The following ECHDC3 variants were observed in gnomAD, a reference collection of about 807,000 sequenced individuals.
ECHDC3 encodes the protein enoyl-CoA hydratase domain containing 3, also known as enoyl-CoA hydratase domain-containing protein 3, mitochondrial.
Under a neutral mutation model 17.9 loss-of-function variants are expected in ECHDC3, and 20 were observed. That is an observed-to-expected ratio of 1.12 (90% CI 0.79 to 1.63). The LOEUF is 1.63. ECHDC3 is among the 40% of genes most tolerant of loss of function. The pLI is 0.00. For missense variants in ECHDC3, 407 were observed against 357.7 expected (o/e 1.14, Z -1.11); for synonymous variants, 177 against 149.7 (o/e 1.18, Z -1.33).
chr10:11,759,356 TAAAA>T (rs151106517), intron 4 of ECHDC3, among the ~76,000 whole-genome samples: 12 of 127,378 alleles, frequency 9.4e-5, no homozygotes, highest in Non-Finnish European at 1.6e-4. Flanking sequence ...CTCCATCTCT[TAAAA>T]AAAAAAAAAA....
At chr10:11,749,653 G>C in intron 3 of ECHDC3, 61 bp downstream of exon 3, 1 of 1,511,804 alleles carries the variant, frequency 6.6e-7, no homozygotes, top group Non-Finnish European at 9.1e-7. Flanking sequence ...TAAATGTTGA[G>C]TTCGCCTTCG....
chr10:11,758,430 A>G (rs11257307), intron 4 of ECHDC3, among the ~76,000 whole-genome samples: 10,947 of 152,284 alleles, frequency 0.072, 556 homozygotes, highest in Non-Finnish European at 0.11. Flanking sequence ...TGAGGCAGGC[A>G]GACTCTGATT....
chr10:11,751,064 A>T (rs1291121135), intron 3 of ECHDC3, among the ~76,000 whole-genome samples: 2 of 152,238 alleles, frequency 1.3e-5, no homozygotes, highest in African/African-American at 4.8e-5. Context: ...ATGTTTATGT[A>T]ACATTCCACT....
chr10:11,749,408 A>C, intron 2 of ECHDC3, 87 bp from the exon 3 acceptor site: 1 of 1,253,642 alleles, frequency 8.0e-7, no homozygotes, highest in Non-Finnish European at 1.1e-6. Flanking sequence ...TGCTGAAGTT[A>C]TTCAGTAGAC....
At chr10:11,755,291 A>G (rs896287334) in intron 3 of ECHDC3, 117 bp from the exon 4 acceptor site, 50 of 927,766 alleles carry the variant, frequency 5.4e-5, no homozygotes, top group Non-Finnish European at 7.8e-5. Context: ...TTGCCACTGC[A>G]CTCCATCCTG....
chr10:11,748,460 A>T (rs535028853), intron 2 of ECHDC3, among the ~76,000 whole-genome samples: 16 of 152,120 alleles, frequency 1.1e-4, no homozygotes, highest in South Asian at 2.1e-4. Context: ...TCCTAGCCTC[A>T]AGCAACATTG....
At chr10:11,756,587 G>C (rs1377459995) in intron 4 of ECHDC3, among the ~76,000 whole-genome samples, 2 of 152,178 alleles carry the variant, frequency 1.3e-5, no homozygotes, top group African/African-American at 4.8e-5. Context: ...GTGTGTTTGT[G>C]GGGAAATTCT....
At chr10:11,757,921 A>G (rs1304924475) in intron 4 of ECHDC3, among the ~76,000 whole-genome samples, 1 of 152,164 alleles carries the variant, frequency 6.6e-6, no homozygotes. Context: ...GTCTTTGCTG[A>G]TTGTGCGCAT....
chr10:11,744,714 G>A (rs1258384091), intron 1 of ECHDC3, among the ~76,000 whole-genome samples: 2 of 152,110 alleles, frequency 1.3e-5, no homozygotes, highest in Admixed American at 6.6e-5. Flanking sequence ...AGGCTTTGAT[G>A]CCAGTTGAAT....
At chr10:11,761,456 G>A (rs567087943) in intron 4 of ECHDC3, among the ~76,000 whole-genome samples, 7 of 152,288 alleles carry the variant, frequency 4.6e-5, no homozygotes, top group East Asian at 1.9e-4. Context: ...GTGTGTCTCC[G>A]GCTAGTCCAG....
At chr10:11,759,356 T>TAAAAAAA (rs151106517) in intron 4 of ECHDC3, among the ~76,000 whole-genome samples, 1 of 127,404 alleles carries the variant, frequency 7.8e-6, no homozygotes, top group African/African-American at 3.4e-5. Context: ...CTCCATCTCT[T>TAAAAAAA]AAAAAAAAAA....
In ECHDC3 at chr10:11,747,385, G is replaced by A. The variant is rs142110204; in HGVS notation, c.207G>A (p.Ala69=). 7.1e-5 allele frequency: 114 copies of A among 1,613,570 alleles called. No homozygotes were observed. Among genetic ancestry groups the A allele is most frequent in the Middle Eastern group, 4.9e-4 (3 of 6,080 alleles). The change falls in exon 2 of 5, where the codon GCG becomes GCA. Residue 69 remains alanine, a synonymous_variant. Transcript: ENST00000379215. ...TGAGCAATCCCAAGAAGAGGAACGC[G>A]TTGTCACTTGCAATGCTGAAGTCTC... ...IVLSNPKKRN[A]LSLAMLKSLQ... is the part of the protein sequence containing the mutation.
intron 3 of ECHDC3, among the ~76,000 whole-genome samples, chr10:11,750,428 A>G (rs1236422674): frequency 3.3e-5 from 5 of 152,224 alleles, no homozygotes; most frequent in Admixed American, 6.5e-5. Flanking sequence ...CAAGTAGGAA[A>G]ATTAACCTCT....
chr10:11,760,220 C>T (rs1296790295), intron 4 of ECHDC3, among the ~76,000 whole-genome samples: 2 of 152,212 alleles, frequency 1.3e-5, no homozygotes, highest in Non-Finnish European at 2.9e-5. Flanking sequence ...CCCGAGCGTG[C>T]TGGCTGCGGA....
chr10:11,753,933 A>G (rs1832856992), intron 3 of ECHDC3, among the ~76,000 whole-genome samples: 1 of 151,868 alleles, frequency 6.6e-6, no homozygotes, highest in Admixed American at 6.6e-5. Flanking sequence ...GTGCCACCAC[A>G]CCCAGCTAAT....
intron 3 of ECHDC3, 126 bp downstream of exon 3, chr10:11,749,718 C>A: frequency 1.6e-6 from 1 of 633,084 alleles, no homozygotes. Context: ...CAACTGGAAA[C>A]TGTTTGGTCA....
At chr10:11,760,039 C>T (rs1408476529) in intron 4 of ECHDC3, among the ~76,000 whole-genome samples, 1 of 152,164 alleles carries the variant, frequency 6.6e-6, no homozygotes, top group Non-Finnish European at 1.5e-5. Flanking sequence ...AAACCAGGTC[C>T]CTGAGCTTTT....
At chr10:11,751,197 C>A (rs1203608556) in intron 3 of ECHDC3, among the ~76,000 whole-genome samples, 1 of 152,156 alleles carries the variant, frequency 6.6e-6, no homozygotes, top group Non-Finnish European at 1.5e-5. Flanking sequence ...TAAGGGTCTG[C>A]TTTTATCACT....
intron 4 of ECHDC3, chr10:11,755,812 G>A: frequency 1.9e-6 from 1 of 520,126 alleles, no homozygotes; most frequent in Non-Finnish European, 3.4e-6. Context: ...TTCCTCTGTA[G>A]CTTCTGACGC....
Sources: allele counts gnomAD v4.1 joint callset (sites outside exome capture counted in the v4.1 genomes callset), GRCh38; gene constraint gnomAD v4.1.1; transcripts MANE v1.5; gene names NCBI Gene and HGNC (gene_info 2026-07-23, HGNC 2026-07-21).